ABI1: variants seen among roughly 807,000 people sequenced by gnomAD.
ABI1 encodes the protein Abelson interactor 1.
In ABI1, 14 loss-of-function variants were observed where a neutral mutation model predicts 54.6. The ratio of observed to expected loss-of-function variants is 0.26; its 90% CI spans 0.17 to 0.40. The LOEUF (loss-of-function observed/expected upper bound fraction) is 0.40. ABI1 is among the 10% of genes least tolerant of loss of function. ABI1 has a pLI of 1.00. For synonymous variants in ABI1, 194 were observed against 209.3 expected, an observed-to-expected ratio of 0.93 and a Z score of 0.63; for missense variants, 443 against 598.3, an observed-to-expected ratio of 0.74 and a Z score of 2.71.
At chr10:26,791,770 A>T (rs1588890876) in intron 2 of ABI1, among the ~76,000 whole-genome samples, 5 of 152,346 alleles carry the variant, frequency 3.3e-5, no homozygotes, top group Admixed American at 6.5e-5. Context: ...TTATTTGAGT[A>T]GAGCAACTAT....
At chr10:26,858,453 T>TC (rs2051015169) in intron 1 of ABI1, among the ~76,000 whole-genome samples, 1 of 148,750 alleles carries the variant, frequency 6.7e-6, no homozygotes, top group Admixed American at 6.7e-5. Context: ...TTGCGTGAAT[T>TC]CTTTTTTTTT....
At chr10:26,819,263 G>T (rs1005881017) in intron 2 of ABI1, among the ~76,000 whole-genome samples, 4 of 152,106 alleles carry the variant, frequency 2.6e-5, no homozygotes, top group Non-Finnish European at 4.4e-5. Flanking sequence ...AGAAAAAGAG[G>T]ATAAAAGGAA....
intron 3 of ABI1, among the ~76,000 whole-genome samples, chr10:26,772,655 T>TAG (rs1840841344): frequency 6.6e-6 from 1 of 152,214 alleles, no homozygotes; most frequent in Non-Finnish European, 1.5e-5. Flanking sequence ...TGGCAAGTGT[T>TAG]AGTAGGAAAT....
At chr10:26,819,500 T>C (rs2047823487) in intron 2 of ABI1, among the ~76,000 whole-genome samples, 1 of 152,228 alleles carries the variant, frequency 6.6e-6, no homozygotes, top group Non-Finnish European at 1.5e-5. Context: ...TCAATTTACC[T>C]TCCTTAATAA....
At chr10:26,830,154 T>C (rs1009038983) in intron 1 of ABI1, among the ~76,000 whole-genome samples, 1 of 152,236 alleles carries the variant, frequency 6.6e-6, no homozygotes, top group African/African-American at 2.4e-5. Flanking sequence ...GGATGTATCC[T>C]AATTTGTTTC....
chr10:26,835,997 C>T (rs2049045751), intron 1 of ABI1, among the ~76,000 whole-genome samples: 1 of 152,104 alleles, frequency 6.6e-6, no homozygotes, highest in South Asian at 2.1e-4. Context: ...AAAGAATCCT[C>T]CTGCCTCAGC....
At chr10:26,850,110 C>G (rs1231354615) in intron 1 of ABI1, among the ~76,000 whole-genome samples, 1 of 151,950 alleles carries the variant, frequency 6.6e-6, no homozygotes, top group African/African-American at 2.4e-5. Context: ...ATACTTCAAC[C>G]AAAACAAAAT....
intron 2 of ABI1, among the ~76,000 whole-genome samples, chr10:26,787,592 G>C (rs1320080650): frequency 6.6e-6 from 1 of 152,128 alleles, no homozygotes; most frequent in African/African-American, 2.4e-5. Context: ...AAAAAAAAGG[G>C]AACAGGTTTG....
chr10:26,794,050 C>T (rs1372379518), intron 2 of ABI1, among the ~76,000 whole-genome samples: 1 of 152,110 alleles, frequency 6.6e-6, no homozygotes, highest in Non-Finnish European at 1.5e-5. Flanking sequence ...CAAGACCAGC[C>T]TGGCCAACAT....
At chr10:26,857,266 A>T (rs1051222985) in intron 1 of ABI1, among the ~76,000 whole-genome samples, 3 of 139,348 alleles carry the variant, frequency 2.2e-5, no homozygotes, top group African/African-American at 7.8e-5. Context: ...GGTTGCAGTG[A>T]GCCAAGATCG....
At chr10:26,784,502 A>G (rs536410886) in intron 2 of ABI1, among the ~76,000 whole-genome samples, 1 of 150,540 alleles carries the variant, frequency 6.6e-6, no homozygotes, top group African/African-American at 2.4e-5. Flanking sequence ...AGAAACTGTC[A>G]GCCTGTGCCG....
At chr10:26,755,196 C>T (rs1399876442) in intron 9 of ABI1, among the ~76,000 whole-genome samples, 1 of 152,110 alleles carries the variant, frequency 6.6e-6, no homozygotes, top group Non-Finnish European at 1.5e-5. Context: ...TCTGAGGCTA[C>T]AAAGCTTTCC....
intron 2 of ABI1, among the ~76,000 whole-genome samples, chr10:26,809,524 C>A (rs2047090716): frequency 6.6e-6 from 1 of 151,938 alleles, no homozygotes; most frequent in Non-Finnish European, 1.5e-5. Flanking sequence ...CACCATTGCA[C>A]ACCAATCTAG....
intron 4 of ABI1, 115 bp downstream of exon 4, chr10:26,770,960 A>G: frequency 9.3e-7 from 1 of 1,071,810 alleles, no homozygotes; most frequent in Non-Finnish European, 1.4e-6. Context: ...ATCTACATAA[A>G]TCCTACAGGG....
chr10:26,810,408 TA>T (rs1403026848), intron 2 of ABI1, among the ~76,000 whole-genome samples: 6 of 151,450 alleles, frequency 4.0e-5, no homozygotes, highest in Admixed American at 6.6e-5. Context: ...AAAATTATCT[TA>T]AAAAAAAATG....
rs553591083 is a variant in ABI1, at chr10:26,816,864, C to T, written c.285+6274G>A. The stretch of plus-strand genomic sequence containing the variant: ...ACCATTTTTTATAATCTCCAATAAC[C>T]ATGCAAAATAATCACTGCCTATACA... On this transcript the variant is annotated intron_variant, in intron 2 of 10. Transcript: ENST00000376140. Among the ~76,000 whole-genome samples, 44 of 152,272 alleles carry T rather than the reference C, an allele frequency of 2.9e-4. 1 individual carries two copies. The highest frequency in any genetic ancestry group is 5.6e-4 in the Non-Finnish European group (38 of 68,014).
chr10:26,780,454 G>A (rs532741107), intron 2 of ABI1, among the ~76,000 whole-genome samples: 3 of 152,234 alleles, frequency 2.0e-5, no homozygotes, highest in African/African-American at 7.2e-5. Flanking sequence ...GGCTGGTCTC[G>A]AACTCCTGGG....
At chr10:26,815,772 A>G (rs1408762391) in intron 2 of ABI1, among the ~76,000 whole-genome samples, 2 of 152,150 alleles carry the variant, frequency 1.3e-5, no homozygotes. Context: ...TTAGCTGGGT[A>G]TGGTGGTGTG....
chr10:26,799,504 T>C (rs1310298356), intron 2 of ABI1, among the ~76,000 whole-genome samples: 2 of 152,074 alleles, frequency 1.3e-5, no homozygotes, highest in Non-Finnish European at 2.9e-5. Context: ...CACGTGCAAC[T>C]GCACATAAAA....
Sources: gnomAD v4.1 joint callset for allele counts (sites outside exome capture counted in the v4.1 genomes callset) on GRCh38, gnomAD v4.1.1 for gene constraint, MANE v1.5 for transcripts, NCBI Gene and HGNC (gene_info 2026-07-23, HGNC 2026-07-21) for gene names.